Variants in FAM118A observed in about 807,000 individuals in gnomAD.
FAM118A encodes protein FAM118A.
Under a neutral mutation model 38.2 loss-of-function variants are expected in FAM118A, and 25 were observed. That is an observed-to-expected ratio of 0.65 (90% confidence interval 0.48 to 0.91). The LOEUF (loss-of-function observed/expected upper bound fraction) is 0.91, where lower values mean the gene tolerates loss of function less well. Among genes scored for constraint, FAM118A ranks in the 40% least tolerant of loss-of-function variants. FAM118A has a pLI of 0.00. For missense variants in FAM118A, 425 were observed against 463.3 expected, an observed-to-expected ratio of 0.92 and a Z score of 0.76; for synonymous variants, 178 against 184.1, an observed-to-expected ratio of 0.97 and a Z score of 0.27.
chr22:45,309,940 G>C lies in FAM118A; in HGVS notation c.-253G>C, dbSNP rs1187930425. The C allele has an allele frequency of 6.6e-6, 1 of 152,184 alleles. No homozygotes were observed. The highest frequency in any genetic ancestry group is 2.4e-5 in the African/African-American group (1 of 41,416). The allele number at this position is 152,184 out of a possible 1,614,324, so 9.4% of individuals were successfully genotyped here. A position where few individuals can be genotyped will look rare whatever the true frequency, so the allele number is the denominator to read the frequency against. Reference sequence around the variant, plus strand: ...GCGCGCGGGGGAAGGGTTTGCGGCGGCGCCGCTGCCGGCTAACGCGGAGGG... The same window carrying C: ...GCGCGCGGGGGAAGGGTTTGCGGCGCCGCCGCTGCCGGCTAACGCGGAGGG... On this transcript the variant is annotated 5_prime_UTR_variant, in exon 1 of 9. Transcript: ENST00000441876.
chr22:45,332,698 C>T lies in FAM118A; in HGVS notation c.925C>T (p.Gln309Ter), dbSNP rs1161136295. Residue 309 changes from glutamine to a stop codon, truncating the protein, a stop_gained, in exon 6 of 9, where the codon CAG becomes TAG. Coordinates refer to ENST00000441876, the MANE Select transcript of FAM118A (RefSeq NM_017911.4). LOFTEE classifies it high-confidence loss of function. ...VQDLATQICKQQSPDADRVDS... is the reference protein window; with the variant it reads ...VQDLATQICK ...AGACCTTGCCACTCAGATCTGCAAACAGCAAAGCCCAGGTATGGGATCTGG... is the reference window on the plus strand; with the variant it reads ...AGACCTTGCCACTCAGATCTGCAAATAGCAAAGCCCAGGTATGGGATCTGG... 5.6e-6 allele frequency: 9 copies of T among 1,597,182 alleles called. No individual in the cohort carries two copies. Among genetic ancestry groups the T allele is most frequent in the Non-Finnish European group, 7.7e-6 (9 of 1,170,100 alleles).
intron 3 of FAM118A, among the ~76,000 whole-genome samples, chr22:45,324,518 G>C (rs757257607): frequency 6.6e-6 from 1 of 152,230 alleles, no homozygotes; most frequent in Non-Finnish European, 1.5e-5. Flanking sequence ...AGCAGAGCTT[G>C]GGAAATGTTT....
chr22:45,336,274 C>T, intron 7 of FAM118A, 54 bp from the exon 8 acceptor site: 1 of 1,455,840 alleles, frequency 6.9e-7, no homozygotes. Context: ...TGAACTGTGC[C>T]TTGGCGAGTG....
In FAM118A at chr22:45,323,340, C is replaced by G. The variant is rs766413751; in HGVS notation, c.213C>G (p.Pro71=). ...CAGAGCAGCTGGAGGTGCTGCACCC[C>G]GGAGACGTCGCCGAGTTCCGGAGGA... ...EAAEQLEVLH[P]GDVAEFRRKV... Residue 71 remains proline (P), a synonymous_variant, in exon 3 of 9, where the codon CCC becomes CCG. Coordinates refer to ENST00000441876, the MANE Select transcript of FAM118A (RefSeq NM_017911.4). 4.3e-6 allele frequency: 7 copies of G among 1,613,986 alleles called. No individual in the cohort carries two copies. The African/African-American group carries it at 9.3e-5, about 22-fold the overall frequency.
At position 45,336,402 on chromosome 22, in the gene FAM118A, TCA is replaced by T. The variant is rs777060433; in HGVS notation, c.1046_1047del (p.Ser349Ter). On this transcript the variant is annotated frameshift_variant, in exon 8 of 9. Coordinates refer to ENST00000441876, the MANE Select transcript of FAM118A (RefSeq NM_017911.4). LOFTEE classifies it high-confidence loss of function. ...TGAAGTTTCAAAAAAACGCACACAA[TCA>T]GATACTGGTATTGTGTCTGTTCTTT... ...GIEVSKKRTQ[S>X]DTDDAGGS The T allele has an allele frequency of 5.0e-6, 8 of 1,613,208 alleles. No homozygotes were observed.
rs149599782 is a variant in FAM118A at position 45,328,021 on chromosome 22, G to C, written c.480G>C (p.Gln160His). 631 of 1,605,584 alleles carry C rather than the reference G, an allele frequency of 3.9e-4. 12 individuals carry two copies. In the Middle Eastern group the frequency reaches 6.3e-3, roughly 16 times the overall value. Residue 160 changes from glutamine to histidine, a missense_variant, in exon 4 of 9, where the codon CAG becomes CAC. Physicochemically the swap from Gln to His is conservative, Grantham distance 24. Transcript: ENST00000441876. ...DNLLEAFGRRQNKPMESLDLK... is the reference protein window; with the variant it reads ...DNLLEAFGRRHNKPMESLDLK... ...TGCTGGAGGCCTTTGGCCGGCGGCA[G>C]AACAAGCCCATGGAGTCCCTGGACT...
chr22:45,328,612 CAGAG>C, intron 4 of FAM118A: 1 of 599,838 alleles, frequency 1.7e-6, no homozygotes, highest in Non-Finnish European at 3.0e-6. Context: ...GCCTGGGTGA[CAGAG>C]TAAGACCCTT....
At chr22:45,318,707 T>A (rs915503374) in intron 1 of FAM118A, 10 of 152,344 alleles carry the variant, frequency 6.6e-5, no homozygotes, top group African/African-American at 1.9e-4. Flanking sequence ...ACTGTGCAGT[T>A]CAAGTTGCAG....
chr22:45,323,388 G>T lies in FAM118A; in HGVS notation c.261G>T (p.Leu87=). 3 of 1,614,184 alleles carry T rather than the reference G, an allele frequency of 1.9e-6. No homozygotes were observed. ...FRRKVTKDRD[L]LVVAHDLIRK... is the part of the protein sequence containing the mutation. ...GGAAAGTGACAAAGGACCGGGACCT[G>T]TTGGTTGTCGCCCATGATCTGATCC... The change falls in exon 3 of 9, where the codon CTG becomes CTT. Residue 87 remains leucine (L), a synonymous_variant. Coordinates refer to ENST00000441876, the MANE Select transcript of FAM118A (RefSeq NM_017911.4).
chr22:45,327,920 A>C lies in FAM118A; in HGVS notation c.379A>C (p.Ser127Arg). Reference protein sequence around the residue: ...VFDDLEQHIRSPVVLQSILSL... With the variant: ...VFDDLEQHIRRPVVLQSILSL... Reference sequence around the variant, plus strand: ...TGACGACCTGGAGCAGCACATCCGGAGTCCTGTGGTGCTGCAGTCGATCCT... The same window carrying C: ...TGACGACCTGGAGCAGCACATCCGGCGTCCTGTGGTGCTGCAGTCGATCCT... Residue 127 changes from serine to arginine, a missense_variant, in exon 4 of 9, where the codon AGT becomes CGT. Transcript: ENST00000441876. The C allele has an allele frequency of 6.2e-7, 1 of 1,614,246 alleles. No homozygotes were observed.
rs554982705 is a variant in FAM118A, at chr22:45,311,247, G to A, written c.-10+1064G>A. Among the ~76,000 whole-genome samples, 8 of 152,354 alleles carry A rather than the reference G, an allele frequency of 5.3e-5. No homozygotes were observed. The East Asian group carries it at 1.5e-3, about 29-fold the overall frequency. The stretch of plus-strand genomic sequence containing the variant: ...TCAGGGGACAGCCAGTATGTCAAAA[G>A]GCAGAGAGGCTGCCACGGCACACAG... On this transcript the variant is annotated intron_variant, in intron 1 of 8. Transcript: ENST00000441876.
At chr22:45,328,501 G>T (rs528892155) in intron 4 of FAM118A, 4 of 796,880 alleles carry the variant, frequency 5.0e-6, no homozygotes, top group Non-Finnish European at 9.1e-6. Context: ...GCATGGTGGC[G>T]CCTGCCTGCA....
chr22:45,323,424 A>G lies in FAM118A; in HGVS notation c.297A>G (p.Ser99=). The G allele has an allele frequency of 6.2e-7, 1 of 1,612,380 alleles. No individual in the cohort carries two copies. The highest frequency in any genetic ancestry group is 1.3e-5 in the African/African-American group (1 of 75,012). Residue 99 remains serine (S), a synonymous_variant, in exon 3 of 9, where the codon TCA becomes TCG. Transcript: ENST00000441876. ...CCCATGATCTGATCCGGAAGATGTC[A>G]CCTGTAAGTGTCAGACAAGTACCTC... ...VVAHDLIRKM[S]PRTGDAKPSF... is the part of the protein sequence containing the mutation.
chr22:45,328,966 A>G (rs1455749102), intron 4 of FAM118A: 2 of 154,908 alleles, frequency 1.3e-5, no homozygotes, highest in African/African-American at 2.4e-5. Context: ...GGCAACAGAG[A>G]GAGTGGCAGG....
In FAM118A at chr22:45,336,331, A is replaced by G. The variant is rs778660433; in HGVS notation, c.974A>G (p.Asn325Ser). Residue 325 changes from asparagine to serine, a missense_variant, in exon 8 of 9, where the codon AAT (asparagine) becomes AGT (serine). Coordinates refer to ENST00000441876, the MANE Select transcript of FAM118A (RefSeq NM_017911.4). ...DRVDSTTLLGNACQDCAKRKL... is the reference protein window; with the variant it reads ...DRVDSTTLLGSACQDCAKRKL... ...TTAATAAATTCTTCTCTTTTAGGTA[A>G]TGCATGCCAGGACTGTGCAAAGAGG... The G allele has an allele frequency of 1.2e-5, 20 of 1,612,374 alleles. No individual in the cohort carries two copies. The highest frequency in any genetic ancestry group is 3.3e-5 in the Admixed American group (2 of 59,852).
At chr22:45,339,251 C>T (rs1055919190) in intron 8 of FAM118A, among the ~76,000 whole-genome samples, 5 of 152,132 alleles carry the variant, frequency 3.3e-5, no homozygotes, top group Non-Finnish European at 5.9e-5. Context: ...CAAAAATTAA[C>T]TGGGTGTGGT....
chr22:45,335,849 T>C (rs2205659), intron 7 of FAM118A, among the ~76,000 whole-genome samples: 132,339 of 151,972 alleles, frequency 0.87, 57,734 homozygotes, highest in African/African-American at 0.91. Context: ...ATAAATTTAA[T>C]GAGACTCGGT....
At chr22:45,330,463 T>C in intron 4 of FAM118A, 140 bp from the exon 5 acceptor site, 1 of 927,548 alleles carries the variant, frequency 1.1e-6, no homozygotes, top group Non-Finnish European at 1.5e-6. Context: ...GTTTTGAAGG[T>C]ATAAGTGTAA....
intron 3 of FAM118A, among the ~76,000 whole-genome samples, chr22:45,326,687 T>A (rs1290689892): frequency 1.3e-5 from 2 of 151,070 alleles, no homozygotes; most frequent in African/African-American, 4.9e-5. Flanking sequence ...ATTAGCTGGG[T>A]GTGGTGGTGC....
Sources: allele counts gnomAD v4.1 joint callset (sites outside exome capture counted in the v4.1 genomes callset), GRCh38; gene constraint gnomAD v4.1.1; transcripts MANE v1.5; gene names NCBI Gene and HGNC (gene_info 2026-07-23, HGNC 2026-07-21).